ODR4: variants seen among roughly 807,000 people sequenced by gnomAD.
ODR4 encodes odr-4 GPCR localization factor homolog, also known as protein odr-4 homolog.
ODR4 carries 47 observed loss-of-function variants against 60.2 expected under a neutral mutation model. The observed-to-expected ratio is 0.78, with a 90% confidence interval of 0.62 to 1.00. ODR4 has a LOEUF of 1.00. Among genes scored for constraint, ODR4 ranks in the 50% least tolerant of loss-of-function variants. The pLI is 0.00. For synonymous variants in ODR4, 178 were observed against 175.5 expected (o/e 1.01, Z -0.11); for missense variants, 488 against 530.8 (o/e 0.92, Z 0.79).
In ODR4 at chr1:186,417,653, A is replaced by G; in HGVS notation, c.1296A>G (p.Ile432Met). The change falls in exon 13 of 14, where the codon ATA (isoleucine) becomes ATG (methionine). Residue 432 changes from isoleucine to methionine, a missense_variant and splice_region_variant. Transcript: ENST00000287859. ...TTMLLKIQQNIGVIAAFTVAV... is the reference protein window; with the variant it reads ...TTMLLKIQQNMGVIAAFTVAV... Reference sequence around the variant, plus strand: ...TGTTATTGAAAATTCAGCAAAACATAGGTATTTAATTTTACTTCTTTTATA... The same window carrying G: ...TGTTATTGAAAATTCAGCAAAACATGGGTATTTAATTTTACTTCTTTTATA... 6.7e-7 allele frequency: 1 copy of G among 1,500,108 alleles called. No individual in the cohort carries two copies. The highest frequency in any genetic ancestry group is 9.2e-7 in the Non-Finnish European group (1 of 1,091,048). The allele number at this position is 1,500,108 out of a possible 1,614,324, so 92.9% of individuals were successfully genotyped here.
chr1:186,415,560 C>A (rs1235097968), intron 12 of ODR4, among the ~76,000 whole-genome samples: 1 of 152,134 alleles, frequency 6.6e-6, no homozygotes, highest in Non-Finnish European at 1.5e-5. Context: ...AATGTCACCT[C>A]TAGGATGGAA....
At position 186,388,561 on chromosome 1, in the gene ODR4, CA is replaced by C; in HGVS notation, c.437+14del. The C allele has an allele frequency of 7.0e-7, 1 of 1,432,988 alleles. No homozygotes were observed. The highest frequency in any genetic ancestry group is 9.4e-7 in the Non-Finnish European group (1 of 1,058,770). 88.8% of individuals were successfully genotyped at this position (1,432,988 alleles called of 1,614,324 possible). A position where few individuals can be genotyped will look rare whatever the true frequency, so the allele number is the denominator to read the frequency against. ...CTTCTACAAAAAAGTATCTTTTGTTCAGTTTATGGTTTAAAAGTACAAAGTA... is the reference window on the plus strand; with the variant it reads ...CTTCTACAAAAAAGTATCTTTTGTTCGTTTATGGTTTAAAAGTACAAAGTA... On this transcript the variant is annotated intron_variant, in intron 5 of 13. Transcript: ENST00000287859.
intron 2 of ODR4, among the ~76,000 whole-genome samples, chr1:186,381,509 A>G (rs1329022183): frequency 1.3e-5 from 2 of 151,868 alleles, no homozygotes; most frequent in Non-Finnish European, 2.9e-5. Flanking sequence ...TTGTATTTTT[A>G]GTAGAGACGG....
At chr1:186,411,562 T>A (rs1030410005) in intron 12 of ODR4, among the ~76,000 whole-genome samples, 1 of 151,964 alleles carries the variant, frequency 6.6e-6, no homozygotes, top group Non-Finnish European at 1.5e-5. Flanking sequence ...TTTAATCCTC[T>A]TTCTTGGGTT....
intron 8 of ODR4, among the ~76,000 whole-genome samples, chr1:186,393,616 A>G (rs954304329): frequency 2.0e-5 from 3 of 152,210 alleles, no homozygotes; most frequent in Non-Finnish European, 4.4e-5. Flanking sequence ...GTGTAGCATG[A>G]AAGCAGCTAC....
chr1:186,413,982 A>C (rs1468710089), intron 12 of ODR4, among the ~76,000 whole-genome samples: 1 of 152,156 alleles, frequency 6.6e-6, no homozygotes, highest in Non-Finnish European at 1.5e-5. Flanking sequence ...CTGAATTTGA[A>C]ATGACTTGGT....
chr1:186,416,956 A>T (rs1466468238), intron 12 of ODR4, among the ~76,000 whole-genome samples: 1 of 151,666 alleles, frequency 6.6e-6, no homozygotes, highest in Non-Finnish European at 1.5e-5. Flanking sequence ...TAGTAAACAA[A>T]TTATTATTAT....
At chr1:186,384,572 GAC>G (rs368870659) in intron 3 of ODR4, among the ~76,000 whole-genome samples, 7,732 of 129,456 alleles carry the variant, frequency 0.06, 217 homozygotes, top group African/African-American at 0.076. Flanking sequence ...AATTGTATAT[GAC>G]ACACACACAC....
At chr1:186,423,533 C>T (rs1042112220), downstream of ODR4, among the ~76,000 whole-genome samples, 6 of 139,482 alleles carry the variant, frequency 4.3e-5, no homozygotes, top group African/African-American at 1.0e-4. Context: ...CGGCTCACTG[C>T]GGTCTCCATC....
At chr1:186,410,961 G>A (rs1403657948) in intron 12 of ODR4, among the ~76,000 whole-genome samples, 7 of 151,690 alleles carry the variant, frequency 4.6e-5, no homozygotes, top group Non-Finnish European at 1.0e-4. Context: ...GTTGTGGTGA[G>A]CCAAGATCGT....
rs1008004417 is a variant in ODR4, at chr1:186,421,305, A to G, written c.*2229A>G. On this transcript the variant is annotated 3_prime_UTR_variant, in exon 14 of 14. Coordinates refer to ENST00000287859, the MANE Select transcript of ODR4 (RefSeq NM_017847.6). The stretch of plus-strand genomic sequence containing the variant: ...TTTAAACTGTTGTTTGTATAAAACA[A>G]TTATAATGAAGTGTTTATAAGAAAT... The G allele has an allele frequency of 4.6e-5, 7 of 152,244 alleles. No homozygotes were observed. Among genetic ancestry groups the G allele is most frequent in the Non-Finnish European group, 8.8e-5 (6 of 68,040 alleles). 9.4% of individuals were successfully genotyped at this position (152,244 alleles called of 1,614,324 possible).
intron 3 of ODR4, 40 bp downstream of exon 3, chr1:186,383,196 C>CAATT (rs1558060568): frequency 6.6e-7 from 1 of 1,518,482 alleles, no homozygotes; most frequent in Admixed American, 2.3e-5. Context: ...AGTTTTATTT[C>CAATT]AAAAAAGAGC....
chr1:186,429,692 A>G, the ODR4 span, among the ~76,000 whole-genome samples: 9 of 151,198 alleles, frequency 6.0e-5, no homozygotes, highest in African/African-American at 2.2e-4. Flanking sequence ...TATCACCAAC[A>G]TAGCTAGGAA....
intron 2 of ODR4, among the ~76,000 whole-genome samples, chr1:186,382,464 A>G (rs1660078034): frequency 6.6e-6 from 1 of 151,984 alleles, no homozygotes; most frequent in East Asian, 1.9e-4. Context: ...AAAGAACAAA[A>G]AACAAAACAA....
Position 186,399,060 on chromosome 1 carries a change from A to ACTCATC in ODR4, c.1000+16_1000+17insCTCATC. 6.4e-7 allele frequency: 1 copy of ACTCATC among 1,553,414 alleles called. No individual in the cohort carries two copies. Among genetic ancestry groups the ACTCATC allele is most frequent in the Non-Finnish European group, 8.8e-7 (1 of 1,131,776 alleles). Reference sequence around the variant, plus strand: ...GAAAAAAAAGTTATGAGTATAAAATAAGTACTTTTTTGCGTATCTTCAACT... The same window carrying ACTCATC: ...GAAAAAAAAGTTATGAGTATAAAATACTCATCAGTACTTTTTTGCGTATCTTCAACT... On this transcript the variant is annotated intron_variant, in intron 11 of 13. Coordinates refer to ENST00000287859, the MANE Select transcript of ODR4 (RefSeq NM_017847.6).
At chr1:186,412,226 T>A (rs1433575935) in intron 12 of ODR4, among the ~76,000 whole-genome samples, 2 of 152,140 alleles carry the variant, frequency 1.3e-5, no homozygotes, top group Non-Finnish European at 2.9e-5. Context: ...TGATCCCTGG[T>A]TTTATTATTA....
chr1:186,426,035 T>C (rs1297984370), downstream of ODR4, among the ~76,000 whole-genome samples: 1 of 152,212 alleles, frequency 6.6e-6, no homozygotes, highest in South Asian at 2.1e-4. Flanking sequence ...TAGGTTATGT[T>C]TTCCCTTTAG....
At chr1:186,421,609 T>C (rs997433365), downstream of ODR4, among the ~76,000 whole-genome samples, 9 of 152,074 alleles carry the variant, frequency 5.9e-5, no homozygotes, top group South Asian at 2.1e-4. Flanking sequence ...CTCACACTTA[T>C]AATCAGCACT....
the ODR4 span, among the ~76,000 whole-genome samples, chr1:186,427,705 C>T: frequency 2.6e-5 from 4 of 152,154 alleles, no homozygotes; most frequent in Admixed American, 1.3e-4. Context: ...TGTCCAGATC[C>T]ATCAGAGGAA....
Sources: allele counts gnomAD v4.1 joint callset (sites outside exome capture counted in the v4.1 genomes callset), GRCh38; gene constraint gnomAD v4.1.1; transcripts MANE v1.5; gene names NCBI Gene and HGNC (gene_info 2026-07-23, HGNC 2026-07-21).